The following TENT4B variants were observed in gnomAD, a reference collection of about 807,000 sequenced individuals.
TENT4B encodes PAP associated domain containing 5.
In TENT4B, 10 loss-of-function variants were observed where a neutral mutation model predicts 75.0. The observed-to-expected ratio is 0.13, with a 90% CI of 0.08 to 0.23. The LOEUF (loss-of-function observed/expected upper bound fraction) is 0.23. TENT4B is among the 10% of genes least tolerant of loss of function. The pLI is 1.00. For synonymous variants in TENT4B, 350 were observed against 357.7 expected, an observed-to-expected ratio of 0.98 and a Z score of 0.24; for missense variants, 579 against 893.8, an observed-to-expected ratio of 0.65 and a Z score of 4.49.
At chr16:50,165,380 T>C (rs1292418627) in intron 1 of TENT4B, among the ~76,000 whole-genome samples, 2 of 152,160 alleles carry the variant, frequency 1.3e-5, no homozygotes, top group African/African-American at 4.8e-5. Context: ...GTAATGAAAT[T>C]AGAATTAAAA....
At chr16:50,212,489 C>A (rs897825002) in intron 2 of TENT4B, among the ~76,000 whole-genome samples, 8 of 152,176 alleles carry the variant, frequency 5.3e-5, no homozygotes, top group Non-Finnish European at 1.0e-4. Context: ...AGCTTTTCTT[C>A]AGGCACTGTC....
chr16:50,184,721 A>ATTTTG (rs201803241), intron 1 of TENT4B, among the ~76,000 whole-genome samples: 6,692 of 150,232 alleles, frequency 0.045, 212 homozygotes, highest in Non-Finnish European at 0.064. Flanking sequence ...GTTTTTTTTT[A>ATTTTG]TTTTGTTTTG....
intron 1 of TENT4B, among the ~76,000 whole-genome samples, chr16:50,179,233 A>G (rs996932398): frequency 6.6e-6 from 1 of 152,238 alleles, no homozygotes; most frequent in African/African-American, 2.4e-5. Flanking sequence ...GTGGTGGCGC[A>G]TGCCTGTAAT....
In TENT4B at chr16:50,235,226, C is replaced by T. The variant is rs1274837214; in HGVS notation, c.*5898C>T. ...ATTTTATAAATTGCATTTCTATGCA[C>T]ATCGGCCTCTAGTGCTTACCACTCG... On this transcript the variant is annotated 3_prime_UTR_variant, in exon 12 of 12. Coordinates refer to ENST00000561678, the MANE Select transcript of TENT4B (RefSeq NM_001365324.3). 1 of 179,466 alleles carries T rather than the reference C, an allele frequency of 5.6e-6. No individual in the cohort carries two copies. Among genetic ancestry groups the T allele is most frequent in the Non-Finnish European group, 1.1e-5 (1 of 93,106 alleles). 11.1% of individuals were successfully genotyped at this position (179,466 alleles called of 1,614,324 possible).
intron 1 of TENT4B, among the ~76,000 whole-genome samples, chr16:50,189,895 G>A (rs1263306586): frequency 2.0e-5 from 3 of 151,622 alleles, no homozygotes; most frequent in Non-Finnish European, 2.9e-5. Context: ...TGGCCAACAT[G>A]GTGAAACCCC....
At chr16:50,161,884 A>G (rs958075546) in intron 1 of TENT4B, among the ~76,000 whole-genome samples, 7 of 152,110 alleles carry the variant, frequency 4.6e-5, no homozygotes, top group African/African-American at 1.7e-4. Context: ...TCATGTGTAG[A>G]TCTGGATAGC....
chr16:50,195,950 A>T (rs1456835921), intron 1 of TENT4B, among the ~76,000 whole-genome samples: 3 of 152,200 alleles, frequency 2.0e-5, no homozygotes, highest in Non-Finnish European at 4.4e-5. Context: ...TCTACAATAG[A>T]TATAGTAGAA....
chr16:50,200,607 T>C (rs2030575918), intron 1 of TENT4B, among the ~76,000 whole-genome samples: 1 of 152,134 alleles, frequency 6.6e-6, no homozygotes, highest in African/African-American at 2.4e-5. Flanking sequence ...CTCACTTGTT[T>C]TAATCAATGA....
chr16:50,200,212 A>G (rs1224802454), intron 1 of TENT4B, among the ~76,000 whole-genome samples: 3 of 152,016 alleles, frequency 2.0e-5, no homozygotes, highest in East Asian at 3.9e-4. Flanking sequence ...CAAAAAATTT[A>G]AAAATTAGCT....
chr16:50,232,937 A>G lies in TENT4B; in HGVS notation c.*3609A>G, dbSNP rs143283651. ...CTAAATGGTAAACTATCAAAAATAC[A>G]TTCCCAATTTTGCTGTGATAAATAT... On this transcript the variant is annotated 3_prime_UTR_variant, in exon 12 of 12. Transcript: ENST00000561678. 1.7e-3 allele frequency: 1,686 copies of G among 985,410 alleles called. 20 individuals are homozygous for G. The African/African-American group carries it at 0.027, about 16-fold the overall frequency. The allele number at this position is 985,410 out of a possible 1,614,324, so 61.0% of individuals were successfully genotyped here. A position where few individuals can be genotyped will look rare whatever the true frequency, so the allele number is the denominator to read the frequency against.
upstream of TENT4B, chr16:50,152,933 C>G: frequency 6.7e-7 from 1 of 1,496,834 alleles, no homozygotes. Context: ...GCGCTCCCTG[C>G]GGGGCGGGCG....
chr16:50,216,282 C>T lies in TENT4B; in HGVS notation c.930+87C>T. The T allele has an allele frequency of 5.4e-6, 8 of 1,482,980 alleles. No homozygotes were observed. The South Asian group carries it at 8.4e-5, about 16-fold the overall frequency. 91.9% of individuals were successfully genotyped at this position (1,482,980 alleles called of 1,614,324 possible). On this transcript the variant is annotated intron_variant, in intron 4 of 11. Transcript: ENST00000561678. ...AATTAAAGTTTGGTGAGCACAGTTG[C>T]ATTGCAAGTGAGTGATTCTTTCATT...
intron 1 of TENT4B, among the ~76,000 whole-genome samples, chr16:50,193,331 G>GT (rs774084083): frequency 0.23 from 23,855 of 101,616 alleles, 4,146 homozygotes; most frequent in African/African-American, 0.36. Context: ...AGTTCCTGGA[G>GT]TTTTTTTTTT....
chr16:50,215,840 T>G (rs2031526127), intron 3 of TENT4B, among the ~76,000 whole-genome samples: 1 of 152,182 alleles, frequency 6.6e-6, no homozygotes, highest in Non-Finnish European at 1.5e-5. Flanking sequence ...TCTTTCAAAA[T>G]CACCCTATTT....
intron 2 of TENT4B, 37 bp downstream of exon 2, chr16:50,211,483 T>G: frequency 6.6e-7 from 1 of 1,523,398 alleles, no homozygotes; most frequent in Non-Finnish European, 8.7e-7. Flanking sequence ...CTTCGGACAG[T>G]CCTTGTCCAC....
intron 1 of TENT4B, among the ~76,000 whole-genome samples, chr16:50,205,349 A>G (rs2030889000): frequency 6.6e-6 from 1 of 152,078 alleles, no homozygotes; most frequent in African/African-American, 2.4e-5. Context: ...AAGTGGACAA[A>G]TACATGCTGA....
chr16:50,189,500 T>C (rs1026029459), intron 1 of TENT4B, among the ~76,000 whole-genome samples: 4 of 152,152 alleles, frequency 2.6e-5, no homozygotes, highest in African/African-American at 9.7e-5. Context: ...TGGGGGCAAA[T>C]GACTAAAACA....
Position 50,153,557 on chromosome 16 carries a change from AGGCGGCGGC to A in TENT4B, c.-55_-47del, listed in dbSNP as rs1226373207. On this transcript the variant is annotated 5_prime_UTR_variant, in exon 1 of 12. Transcript: ENST00000561678. The stretch of plus-strand genomic sequence containing the variant: ...GCAGCCGAGGCCGGGCGTGCGCCTG[AGGCGGCGGC>A]GGCGGCGGCCCTGCGGGCGGCCGGG... 7.4e-6 allele frequency: 7 copies of A among 950,108 alleles called. No individual in the cohort carries two copies. Among genetic ancestry groups the A allele is most frequent in the African/African-American group, 2.1e-5 (1 of 46,718 alleles). The allele number at this position is 950,108 out of a possible 1,614,324, so 58.9% of individuals were successfully genotyped here.
intron 5 of TENT4B, among the ~76,000 whole-genome samples, chr16:50,220,591 C>T (rs565903251): frequency 1.7e-4 from 26 of 152,202 alleles, no homozygotes; most frequent in Non-Finnish European, 2.4e-4. Context: ...TGCAATGGTG[C>T]GATCATGGCT....
Sources: allele counts gnomAD v4.1 joint callset (sites outside exome capture counted in the v4.1 genomes callset), GRCh38; gene constraint gnomAD v4.1.1; transcripts MANE v1.5; gene names NCBI Gene and HGNC (gene_info 2026-07-23, HGNC 2026-07-21).